Variants in ADGRV1 observed in about 807,000 individuals in gnomAD.
ADGRV1 encodes the protein adhesion G protein-coupled receptor V1, also known as G-protein coupled receptor 98.
Under a neutral mutation model 596.2 loss-of-function variants are expected in ADGRV1, and 359 were observed. The observed-to-expected ratio is 0.60, with a 90% CI of 0.55 to 0.66. The LOEUF is 0.66. Among genes scored for constraint, ADGRV1 ranks in the 30% least tolerant of loss-of-function variants. The pLI, the probability that ADGRV1 is intolerant of heterozygous loss-of-function variation, is 0.00. For missense variants in ADGRV1, 7,274 were observed against 7,575.6 expected (o/e 0.96, Z 1.48); for synonymous variants, 2,681 against 2,679.2 (o/e 1.00, Z -0.02).
Position 90,974,372 on chromosome 5 carries a change from G to A in ADGRV1, c.17973+8841G>A, listed in dbSNP as rs958698074. On this transcript the variant is annotated intron_variant, in intron 84 of 89. Coordinates refer to ENST00000405460, the MANE Select transcript of ADGRV1 (RefSeq NM_032119.4). ...TACTTTAAAGTTCATATGGAACCAC[G>A]AAAGAGCCTGCACTGCCAAGACAAT... is the stretch of plus-strand genomic sequence containing the variant. 5.9e-5 allele frequency among the ~76,000 whole-genome samples: 9 copies of A among 152,122 alleles called. 1 individual carries two copies. Among genetic ancestry groups the A allele is most frequent in the African/African-American group, 9.6e-5 (4 of 41,528 alleles).
chr5:90,843,696 C>T (rs992522781), intron 78 of ADGRV1, among the ~76,000 whole-genome samples: 3 of 152,124 alleles, frequency 2.0e-5, no homozygotes, highest in Non-Finnish European at 4.4e-5. Context: ...TTTCTCTTAG[C>T]ATACACCAAA....
intron 70 of ADGRV1, among the ~76,000 whole-genome samples, chr5:90,800,517 G>A (rs994306449): frequency 1.2e-4 from 18 of 152,176 alleles, no homozygotes; most frequent in African/African-American, 3.9e-4. Context: ...ACAGTGTGAC[G>A]ATTCCTCAAG....
intron 87 of ADGRV1, among the ~76,000 whole-genome samples, chr5:91,130,816 AT>A (rs1794154042): frequency 6.6e-6 from 1 of 152,074 alleles, no homozygotes; most frequent in South Asian, 2.1e-4. Flanking sequence ...GTTTATCCCC[AT>A]CCTTGTGTCC....
Position 91,003,845 on chromosome 5 carries a change from TA to T in ADGRV1, c.18152+18325del, listed in dbSNP as rs540536954. On this transcript the variant is annotated intron_variant, in intron 85 of 89. Coordinates refer to ENST00000405460, the MANE Select transcript of ADGRV1 (RefSeq NM_032119.4). ...GTATTCTTCCCGGTGGACTCAGATG[TA>T]AGAAGGACATGTATAATGAAAGAAA... Among the ~76,000 whole-genome samples, 3 of 152,214 alleles carry T rather than the reference TA, an allele frequency of 2.0e-5. No homozygotes were observed. In the South Asian group the frequency reaches 6.2e-4, roughly 32 times the overall value.
intron 50 of ADGRV1, among the ~76,000 whole-genome samples, chr5:90,740,302 G>A (rs1314380558): frequency 6.6e-6 from 1 of 152,172 alleles, no homozygotes; most frequent in Non-Finnish European, 1.5e-5. Context: ...TCTAGGTGGG[G>A]TCAGATGCTC....
At chr5:90,755,218 A>G in intron 55 of ADGRV1, 33 bp downstream of exon 55, 2 of 1,416,472 alleles carry the variant, frequency 1.4e-6, no homozygotes, top group South Asian at 2.6e-5. Context: ...GTGATCTAAA[A>G]TAGAGGAAAA....
intron 1 of ADGRV1, among the ~76,000 whole-genome samples, chr5:90,589,735 T>C (rs767937459): frequency 6.6e-6 from 1 of 152,208 alleles, no homozygotes; most frequent in African/African-American, 2.4e-5. Flanking sequence ...TTCTGGGTGT[T>C]AAATGATCTT....
intron 84 of ADGRV1, among the ~76,000 whole-genome samples, chr5:90,966,563 A>C (rs1203808643): frequency 6.6e-6 from 1 of 151,508 alleles, no homozygotes; most frequent in African/African-American, 2.4e-5. Flanking sequence ...GAAAGAAAGA[A>C]AGAAATGCAC....
chr5:90,834,860 A>G (rs1764826760), intron 77 of ADGRV1, among the ~76,000 whole-genome samples: 2 of 144,802 alleles, frequency 1.4e-5, no homozygotes, highest in African/African-American at 5.1e-5. Context: ...TCCTCTGCCT[A>G]TTTTCTTTCT....
At chr5:90,895,095 AT>A (rs57345391) in intron 83 of ADGRV1, among the ~76,000 whole-genome samples, 1 of 151,542 alleles carries the variant, frequency 6.6e-6, no homozygotes, top group Non-Finnish European at 1.5e-5. Context: ...TGTCTGGCTA[AT>A]TTTTTTTATT....
intron 75 of ADGRV1, among the ~76,000 whole-genome samples, chr5:90,820,504 T>C (rs368581965): frequency 2.6e-5 from 4 of 152,138 alleles, no homozygotes; most frequent in South Asian, 2.1e-4. Context: ...CAGTTTCTTC[T>C]TAGTCTCGAT....
chr5:91,047,192 C>G (rs1785905489), intron 85 of ADGRV1, among the ~76,000 whole-genome samples: 1 of 152,114 alleles, frequency 6.6e-6, no homozygotes, highest in South Asian at 2.1e-4. Context: ...TAACTGTGAA[C>G]AAATTTCTTA....
chr5:90,968,123 C>T (rs986526162), intron 84 of ADGRV1, among the ~76,000 whole-genome samples: 12 of 152,206 alleles, frequency 7.9e-5, no homozygotes, highest in African/African-American at 2.6e-4. Context: ...CTACAAATAC[C>T]GGAAGGGCTA....
intron 29 of ADGRV1, among the ~76,000 whole-genome samples, chr5:90,687,503 C>G (rs918270721): frequency 1.3e-5 from 2 of 152,104 alleles, no homozygotes; most frequent in African/African-American, 4.8e-5. Flanking sequence ...CAGGGATGCC[C>G]TCTCTCACCA....
chr5:90,565,656 A>G (rs1315700283), intron 1 of ADGRV1, among the ~76,000 whole-genome samples: 3 of 152,076 alleles, frequency 2.0e-5, no homozygotes, highest in Admixed American at 1.3e-4. Flanking sequence ...TTTGTATACA[A>G]GTTTTTTTTG....
chr5:91,122,509 C>T (rs1793411811), intron 87 of ADGRV1, among the ~76,000 whole-genome samples: 1 of 152,206 alleles, frequency 6.6e-6, no homozygotes, highest in Non-Finnish European at 1.5e-5. Context: ...TTAGCACTCT[C>T]TGCTCTAGTC....
chr5:91,130,261 G>T (rs1425434910), intron 87 of ADGRV1, among the ~76,000 whole-genome samples: 2 of 151,332 alleles, frequency 1.3e-5, no homozygotes, highest in East Asian at 3.9e-4. Flanking sequence ...GCCAGGCACG[G>T]TGGCTCATGC....
At chr5:90,927,174 A>G (rs1581537147) in intron 83 of ADGRV1, among the ~76,000 whole-genome samples, 1 of 150,568 alleles carries the variant, frequency 6.6e-6, no homozygotes, top group African/African-American at 2.5e-5. Flanking sequence ...GCTGAGTTCA[A>G]TTCCTGGGTA....
rs777260815 is a variant in ADGRV1 at position 90,690,075 on chromosome 5, T to G, written c.6705T>G (p.Phe2235Leu). Residue 2235 changes from phenylalanine (F) to leucine (L), a missense_variant and splice_region_variant, in exon 30 of 90, where the codon TTT (phenylalanine) becomes TTG (leucine). Around this residue, in one of 5 missense-constraint regions of ADGRV1, gnomAD observed 3,643 missense variants for 3,809.2 expected, o/e 0.96. Coordinates refer to ENST00000405460, the MANE Select transcript of ADGRV1 (RefSeq NM_032119.4). ...CCTCTGATGACCCCTATGGATTATT[T>G]GGTATGAAGACTAATTTATGTCTCT... ...IEASDDPYGL[F>L]GFQITKLIVE... The G allele has an allele frequency of 2.9e-5, 44 of 1,502,616 alleles. No individual in the cohort carries two copies. The highest frequency in any genetic ancestry group is 3.7e-5 in the Non-Finnish European group (41 of 1,097,146). 93.1% of individuals were successfully genotyped at this position (1,502,616 alleles called of 1,614,324 possible).
Sources: allele counts gnomAD v4.1 joint callset (sites outside exome capture counted in the v4.1 genomes callset), GRCh38; gene constraint gnomAD v4.1.1; regional missense constraint gnomAD v4.1.1; transcripts MANE v1.5; gene names NCBI Gene and HGNC (gene_info 2026-07-23, HGNC 2026-07-21).